CELF1: variants seen among roughly 807,000 people sequenced by gnomAD.
CELF1 encodes 50 kDa nuclear polyadenylated RNA-binding protein.
CELF1 carries 10 observed loss-of-function variants against 61.8 expected under a neutral mutation model. The observed-to-expected ratio is 0.16, with a 90% CI of 0.10 to 0.27. CELF1 has a LOEUF of 0.27. CELF1 is among the 10% of genes least tolerant of loss of function. The pLI, the probability that CELF1 is intolerant of heterozygous loss-of-function variation, is 1.00. For missense variants in CELF1, 380 were observed against 639.1 expected, an observed-to-expected ratio of 0.59 and a Z score of 4.37; for synonymous variants, 236 against 225.1, an observed-to-expected ratio of 1.05 and a Z score of -0.43.
chr11:47,487,121 G>T, intron 5 of CELF1, 38 bp downstream of exon 5: 1 of 1,496,556 alleles, frequency 6.7e-7, no homozygotes. Context: ...ACATATCAAA[G>T]TTACCACATT....
At chr11:47,520,222 G>T (rs2095812356) in intron 1 of CELF1, among the ~76,000 whole-genome samples, 1 of 152,178 alleles carries the variant, frequency 6.6e-6, no homozygotes, top group Non-Finnish European at 1.5e-5. Flanking sequence ...CCATAAATGT[G>T]AAAGACTTAA....
At chr11:47,521,207 G>C (rs142174842) in intron 1 of CELF1, among the ~76,000 whole-genome samples, 1 of 152,168 alleles carries the variant, frequency 6.6e-6, no homozygotes, top group African/African-American at 2.4e-5. Flanking sequence ...AGCCGACGTC[G>C]TGCCACTGCA....
chr11:47,489,687 A>G (rs1263999691), intron 3 of CELF1, among the ~76,000 whole-genome samples: 1 of 152,076 alleles, frequency 6.6e-6, no homozygotes, highest in Non-Finnish European at 1.5e-5. Context: ...TCTGTTTCTG[A>G]GTTATCCAAT....
intron 7 of CELF1, among the ~76,000 whole-genome samples, chr11:47,483,921 T>C (rs575867226): frequency 6.6e-6 from 1 of 152,210 alleles, no homozygotes; most frequent in South Asian, 2.1e-4. Flanking sequence ...AATGAACTGA[T>C]AGGAGGAGTC....
intron 1 of CELF1, among the ~76,000 whole-genome samples, chr11:47,537,829 G>A (rs1209237026): frequency 6.6e-6 from 1 of 151,952 alleles, no homozygotes; most frequent in Non-Finnish European, 1.5e-5. Context: ...ACTATAGACT[G>A]TAAAATTTCC....
chr11:47,499,529 C>T lies in CELF1; in HGVS notation c.-6G>A. The T allele has an allele frequency of 6.5e-7, 1 of 1,535,052 alleles. No individual in the cohort carries two copies. The highest frequency in any genetic ancestry group is 8.7e-7 in the Non-Finnish European group (1 of 1,145,932). On this transcript the variant is annotated 5_prime_UTR_variant, in exon 3 of 15. Transcript: ENST00000687097. ...TCCAACTTAAACGCAGCCATCACCT[C>T]ACTCTCCCCTTCAGAAGCCAATGAT...
intron 8 of CELF1, 91 bp from the exon 9 acceptor site, chr11:47,482,947 T>G: frequency 6.1e-6 from 7 of 1,145,744 alleles, no homozygotes; most frequent in Non-Finnish European, 7.4e-6. Flanking sequence ...GGTTACATTC[T>G]AATTTCATTC....
Position 47,473,215 on chromosome 11 carries a change from G to A in CELF1, c.1290C>T (p.Asn430=), listed in dbSNP as rs757195621. 5 of 1,614,042 alleles carry A rather than the reference G, an allele frequency of 3.1e-6. No homozygotes were observed. Among genetic ancestry groups the A allele is most frequent in the Non-Finnish European group, 4.2e-6 (5 of 1,179,994 alleles). ...CCTGGGGCAGGTGGTAGATGAACAG[G>A]TTGGCTCCCTCTGGACCTTCAAAAT... The part of the protein sequence containing the change: ...GSQKEGPEGA[N]LFIYHLPQEF... Residue 430 remains asparagine, a synonymous_variant, in exon 14 of 15, where the codon AAC becomes AAT. Coordinates refer to ENST00000687097, the MANE Select transcript of CELF1 (RefSeq NM_001376376.1).
intron 1 of CELF1, among the ~76,000 whole-genome samples, chr11:47,535,184 T>C (rs892642332): frequency 1.3e-5 from 2 of 152,068 alleles, no homozygotes; most frequent in African/African-American, 4.8e-5. Context: ...GAAAAGTACC[T>C]GGCACAAATT....
At position 47,553,082 on chromosome 11, in the gene CELF1, G is replaced by T. The variant is rs1471914823; in HGVS notation, c.-244C>A. On this transcript the variant is annotated 5_prime_UTR_variant, in exon 1 of 15. Coordinates refer to ENST00000687097, the MANE Select transcript of CELF1 (RefSeq NM_001376376.1). ...GCCTCGCTGCTGAGGCCGAATCCCG[G>T]GGGAGCCTCCGCGTCCCGCCGCCGC... is the stretch of plus-strand genomic sequence containing the variant. The T allele has an allele frequency of 1.0e-5, 4 of 399,862 alleles. No individual in the cohort carries two copies. The highest frequency in any genetic ancestry group is 1.8e-5 in the Non-Finnish European group (4 of 227,322). The allele number at this position is 399,862 out of a possible 1,614,324, so 24.8% of individuals were successfully genotyped here.
At position 47,529,254 on chromosome 11, in the gene CELF1, T is replaced by C. The variant is rs185742473; in HGVS notation, c.-154+23738A>G. Among the ~76,000 whole-genome samples the C allele has an allele frequency of 8.2e-3, 1,207 of 147,468 alleles. 15 individuals carry two copies. Among genetic ancestry groups the C allele is most frequent in the African/African-American group, 0.027 (1,130 of 41,160 alleles). ...TCCAGTTTCTACTTCTAATCCTACC[T>C]TGGAGCAAAGAAAGTAGGAGACGAG... On this transcript the variant is annotated intron_variant, in intron 1 of 14. Coordinates refer to ENST00000687097, the MANE Select transcript of CELF1 (RefSeq NM_001376376.1).
chr11:47,511,689 C>T (rs891540933), intron 1 of CELF1, among the ~76,000 whole-genome samples: 2 of 152,160 alleles, frequency 1.3e-5, no homozygotes, highest in African/African-American at 4.8e-5. Context: ...CGTACGCTAT[C>T]TCCATTTTGC....
chr11:47,541,824 AAG>A (rs2096810356), intron 1 of CELF1, among the ~76,000 whole-genome samples: 1 of 149,708 alleles, frequency 6.7e-6, no homozygotes. Flanking sequence ...GAAAGAAAGA[AAG>A]AAAGAAAGAA....
chr11:47,518,754 C>T (rs1056740296), intron 1 of CELF1, among the ~76,000 whole-genome samples: 4 of 152,170 alleles, frequency 2.6e-5, no homozygotes, highest in African/African-American at 9.7e-5. Flanking sequence ...GGCTGCTCCA[C>T]CTCTTAGGCA....
At chr11:47,536,399 T>C (rs757232320) in intron 1 of CELF1, among the ~76,000 whole-genome samples, 2 of 152,158 alleles carry the variant, frequency 1.3e-5, no homozygotes, top group African/African-American at 4.8e-5. Context: ...GACTGATAGA[T>C]AGTTTCCCAA....
intron 14 of CELF1, among the ~76,000 whole-genome samples, chr11:47,472,666 C>CA (rs1003892410): frequency 6.6e-6 from 1 of 152,048 alleles, no homozygotes; most frequent in African/African-American, 2.4e-5. Context: ...GTGATCCTCT[C>CA]ACCTCAGCCT....
At chr11:47,484,959 T>C (rs2085766552) in intron 6 of CELF1, among the ~76,000 whole-genome samples, 2 of 152,252 alleles carry the variant, frequency 1.3e-5, no homozygotes, top group Admixed American at 6.5e-5. Context: ...ATTACAGGTG[T>C]GACCCACCAC....
chr11:47,501,336 C>A (rs1440025545), intron 1 of CELF1, among the ~76,000 whole-genome samples: 1 of 152,140 alleles, frequency 6.6e-6, no homozygotes, highest in African/African-American at 2.4e-5. Flanking sequence ...AGATGGTAAC[C>A]CTAGCTGGGG....
intron 3 of CELF1, chr11:47,496,066 G>T: frequency 1.1e-6 from 1 of 909,664 alleles, no homozygotes; most frequent in Non-Finnish European, 1.3e-6. Context: ...GAACAGAAGT[G>T]CGTGAGAATA....
Sources: gnomAD v4.1 joint callset for allele counts (sites outside exome capture counted in the v4.1 genomes callset) on GRCh38, gnomAD v4.1.1 for gene constraint, MANE v1.5 for transcripts, NCBI Gene and HGNC (gene_info 2026-07-23, HGNC 2026-07-21) for gene names.